The following ANXA9 variants were observed in gnomAD, a reference collection of about 807,000 sequenced individuals.
ANXA9 encodes annexin 31.
ANXA9 carries 47 observed loss-of-function variants against 51.8 expected under a neutral mutation model. The ratio of observed to expected loss-of-function variants is 0.91; its 90% CI spans 0.72 to 1.16. The LOEUF (loss-of-function observed/expected upper bound fraction) is 1.16, where lower values mean the gene tolerates loss of function less well. Ranked by LOEUF, ANXA9 falls within the 50% of genes most tolerant of loss-of-function variation. ANXA9 has a pLI of 0.00. For missense variants in ANXA9, 361 were observed against 424.7 expected (o/e 0.85, Z 1.32); for synonymous variants, 154 against 168.7 (o/e 0.91, Z 0.68).
upstream of ANXA9, among the ~76,000 whole-genome samples, chr1:150,979,153 G>A (rs907116404): frequency 4.0e-5 from 6 of 150,766 alleles, no homozygotes; most frequent in Non-Finnish European, 8.8e-5. Context: ...TCAATGCAGC[G>A]ATTGTGAACG....
upstream of ANXA9, among the ~76,000 whole-genome samples, chr1:150,977,663 G>A (rs1671359833): frequency 6.6e-6 from 1 of 152,214 alleles, no homozygotes; most frequent in African/African-American, 2.4e-5. Flanking sequence ...GTTTTTTCAG[G>A]TCAGGTGGAA....
intron 12 of ANXA9, among the ~76,000 whole-genome samples, chr1:150,991,256 A>T (rs1333686418): frequency 2.0e-5 from 3 of 151,538 alleles, no homozygotes; most frequent in Non-Finnish European, 4.4e-5. Flanking sequence ...TTATTTTTTT[A>T]GATCGAGTCT....
chr1:150,980,700 C>T (rs587672682), upstream of ANXA9, among the ~76,000 whole-genome samples: 47 of 151,200 alleles, frequency 3.1e-4, no homozygotes, highest in African/African-American at 1.1e-3. Context: ...CTGCCTCAGC[C>T]TCCCGAGTAG....
intron 12 of ANXA9, among the ~76,000 whole-genome samples, chr1:150,993,902 G>C (rs1404527782): frequency 6.6e-6 from 1 of 152,052 alleles, no homozygotes; most frequent in Non-Finnish European, 1.5e-5. Context: ...CCAAAGTGCT[G>C]GGATTACAGG....
Position 150,995,309 on chromosome 1 carries a change from C to G in ANXA9, c.1025C>G (p.Ala342Gly). 3.1e-6 allele frequency: 5 copies of G among 1,609,224 alleles called. No homozygotes were observed. The highest frequency in any genetic ancestry group is 4.2e-6 in the Non-Finnish European group (5 of 1,177,666). ...CQSALLALCR[A>G]EDM ...TCAGCCCTCCTGGCCTTGTGCAGGG[C>G]TGAAGACATGTGAGACTTCCCTGCC... Residue 342 changes from alanine to glycine, a missense_variant, in exon 14 of 14, where the codon GCT becomes GGT. Coordinates refer to ENST00000368947, the MANE Select transcript of ANXA9 (RefSeq NM_003568.3).
At chr1:150,991,769 T>C (rs1037226108) in intron 12 of ANXA9, among the ~76,000 whole-genome samples, 6 of 151,236 alleles carry the variant, frequency 4.0e-5, no homozygotes, top group African/African-American at 1.2e-4. Context: ...GGCAAACTTT[T>C]TTTTTTTTCT....
At chr1:150,991,731 A>G (rs1259739603) in intron 12 of ANXA9, among the ~76,000 whole-genome samples, 3 of 151,598 alleles carry the variant, frequency 2.0e-5, no homozygotes, top group African/African-American at 4.9e-5. Flanking sequence ...TAGTAGAAAC[A>G]GGGTTTCACC....
intron 5 of ANXA9, 35 bp downstream of exon 5, chr1:150,984,104 G>T (rs374447843): frequency 6.3e-6 from 10 of 1,596,976 alleles, no homozygotes; most frequent in Non-Finnish European, 8.5e-6. Flanking sequence ...GCAGTGGACT[G>T]GGGTGAGAAA....
At chr1:150,986,473 T>G (rs1027251819) in intron 8 of ANXA9, 58 bp downstream of exon 8, 60 of 1,591,176 alleles carry the variant, frequency 3.8e-5, no homozygotes, top group Non-Finnish European at 5.1e-5. Flanking sequence ...GGAGACACGC[T>G]GGAGCAGGGA....
intron 7 of ANXA9, among the ~76,000 whole-genome samples, chr1:150,985,254 A>G (rs16832604): frequency 0.14 from 21,297 of 151,646 alleles, 1,994 homozygotes; most frequent in African/African-American, 0.26. Flanking sequence ...TAACCATCTT[A>G]ATCTGGAGCT....
chr1:150,994,275 T>C (rs993847403), intron 12 of ANXA9, among the ~76,000 whole-genome samples: 1 of 152,184 alleles, frequency 6.6e-6, no homozygotes, highest in Non-Finnish European at 1.5e-5. Flanking sequence ...TACCTATCTT[T>C]GGAGCTGCTC....
In ANXA9 at chr1:150,995,507, C is replaced by T. The variant is rs1416379754; in HGVS notation, c.*185C>T. 1.8e-6 allele frequency: 1 copy of T among 561,632 alleles called. No individual in the cohort carries two copies. Among genetic ancestry groups the T allele is most frequent in the East Asian group, 3.3e-5 (1 of 30,258 alleles). The allele number at this position is 561,632 out of a possible 1,614,324, so 34.8% of individuals were successfully genotyped here. On this transcript the variant is annotated 3_prime_UTR_variant, in exon 14 of 14. Coordinates refer to ENST00000368947, the MANE Select transcript of ANXA9 (RefSeq NM_003568.3). ...TAATTTTCCCATCTCAAAATTATAT[C>T]TGTACCTGGGTCATCCAGCTCCTTC...
chr1:150,992,446 G>A (rs1442196167), intron 12 of ANXA9, among the ~76,000 whole-genome samples: 1 of 152,168 alleles, frequency 6.6e-6, no homozygotes, highest in East Asian at 1.9e-4. Flanking sequence ...CTACTTGGGA[G>A]GCTGAGATAG....
At chr1:150,986,805 A>G in intron 9 of ANXA9, 144 bp downstream of exon 9, 1 of 773,466 alleles carries the variant, frequency 1.3e-6, no homozygotes, top group Non-Finnish European at 2.0e-6. Flanking sequence ...GTTATGTGGT[A>G]GGGGCAGGAG....
intron 7 of ANXA9, 69 bp from the exon 8 acceptor site, chr1:150,986,267 G>T: frequency 7.1e-7 from 1 of 1,417,624 alleles, no homozygotes; most frequent in Non-Finnish European, 1.0e-6. Context: ...TCAGGCATTT[G>T]GCAGGTCCTG....
At position 150,987,926 on chromosome 1, in the gene ANXA9, A is replaced by T. The variant is rs1249288137; in HGVS notation, c.667A>T (p.Thr223Ser). ...SREETWVPVF[T>S]QRNPEHLIRV... ...AGAGGAAACATGGGTCCCAGTCTTCACCCAGCGAAATCCTGAACACCTCAT... is the reference window on the plus strand; with the variant it reads ...AGAGGAAACATGGGTCCCAGTCTTCTCCCAGCGAAATCCTGAACACCTCAT... The change falls in exon 10 of 14, where the codon ACC becomes TCC. Residue 223 changes from threonine (T) to serine (S), a missense_variant. Physicochemically the swap from Thr to Ser is moderately conservative, Grantham distance 58 (BLOSUM62 1). Transcript: ENST00000368947. 6.2e-6 allele frequency: 10 copies of T among 1,613,950 alleles called. No homozygotes were observed.
chr1:150,978,477 T>C (rs1382184813), upstream of ANXA9, among the ~76,000 whole-genome samples: 2 of 151,814 alleles, frequency 1.3e-5, no homozygotes, highest in African/African-American at 4.8e-5. Context: ...GCTGAAGAGG[T>C]GGACATGCAT....
intron 7 of ANXA9, among the ~76,000 whole-genome samples, chr1:150,985,180 T>TCG (rs145933829): frequency 0.066 from 9,499 of 143,880 alleles, 341 homozygotes; most frequent in Middle Eastern, 0.11. Context: ...TCTCTCTCTC[T>TCG]CTCTCTCTCT....
rs1671828506 is a variant in ANXA9, at chr1:150,995,480, C to T, written c.*158C>T. The T allele has an allele frequency of 1.6e-6, 1 of 628,732 alleles. No homozygotes were observed. Among genetic ancestry groups the T allele is most frequent in the Non-Finnish European group, 2.6e-6 (1 of 381,324 alleles). The allele number at this position is 628,732 out of a possible 1,614,324, so 38.9% of individuals were successfully genotyped here. On this transcript the variant is annotated 3_prime_UTR_variant, in exon 14 of 14. Transcript: ENST00000368947. Reference sequence around the variant, plus strand: ...GGCTGGAACTGTTTCTTTAAAATCCCTTAATTTTCCCATCTCAAAATTATA... The same window carrying T: ...GGCTGGAACTGTTTCTTTAAAATCCTTTAATTTTCCCATCTCAAAATTATA...
Sources: allele counts gnomAD v4.1 joint callset (sites outside exome capture counted in the v4.1 genomes callset), GRCh38; gene constraint gnomAD v4.1.1; transcripts MANE v1.5; gene names NCBI Gene and HGNC (gene_info 2026-07-23, HGNC 2026-07-21).